Variants in SRRM2 observed in about 807,000 individuals in gnomAD.
SRRM2 encodes serine/arginine repetitive matrix protein 2.
A neutral mutation model predicts 213.8 loss-of-function variants in SRRM2; 30 were observed. The ratio of observed to expected loss-of-function variants is 0.14; its 90% CI spans 0.10 to 0.19. The LOEUF is 0.19. Ranked by LOEUF, SRRM2 falls within the 10% of genes least tolerant of loss-of-function variation. The pLI, the probability that SRRM2 is intolerant of heterozygous loss-of-function variation, is 1.00. For missense variants in SRRM2, 4,904 were observed against 3,647.0 expected (o/e 1.34, Z -8.88); for synonymous variants, 2,025 against 1,377.7 (o/e 1.47, Z -10.40).
chr16:2,768,625 C>G, intron 11 of SRRM2: 1 of 633,094 alleles, frequency 1.6e-6, no homozygotes, highest in Non-Finnish European at 2.9e-6. Flanking sequence ...TCCCTGCCTC[C>G]AGGCAGGACG....
At chr16:2,758,630 C>T (rs1422697676) in intron 5 of SRRM2, 83 bp downstream of exon 5, 27 of 1,367,598 alleles carry the variant, frequency 2.0e-5, no homozygotes, top group Non-Finnish European at 2.5e-5. Context: ...ACAGTTCTGG[C>T]TTCCACAAAG....
chr16:2,753,174 C>G (rs761861206), intron 1 of SRRM2, among the ~76,000 whole-genome samples: 11 of 151,488 alleles, frequency 7.3e-5, no homozygotes, highest in Non-Finnish European at 1.5e-4. Flanking sequence ...GGTGGCCTTC[C>G]TGCAGCTGCC....
rs2150766790 is a variant in SRRM2 at position 2,752,751 on chromosome 16, G to C, written c.-127G>C. On this transcript the variant is annotated 5_prime_UTR_variant, in exon 1 of 15. Transcript: ENST00000301740. ...TCGGCTGAGGCGGGCGGACCGGCGA[G>C]GCGAGGCGGCGGCCCCAGGCCCGAG... 1 of 357,192 alleles carries C rather than the reference G, an allele frequency of 2.8e-6. No homozygotes were observed. The highest frequency in any genetic ancestry group is 5.6e-6 in the Non-Finnish European group (1 of 179,418). The allele number at this position is 357,192 out of a possible 1,614,324, so 22.1% of individuals were successfully genotyped here.
In SRRM2 at chr16:2,752,689, C is replaced by A. The variant is rs1423955627; in HGVS notation, c.-189C>A. ...GGGGTGCGAGTGGCGCAGTTGGAGC[C>A]CGTTGCGGCCCCTGAGGAAGCGAGG... On this transcript the variant is annotated 5_prime_UTR_variant, in exon 1 of 15. Transcript: ENST00000301740. The A allele has an allele frequency of 6.3e-6, 2 of 318,112 alleles. No homozygotes were observed. Among genetic ancestry groups the A allele is most frequent in the South Asian group, 2.1e-5 (1 of 46,944 alleles). 19.7% of individuals were successfully genotyped at this position (318,112 alleles called of 1,614,324 possible). A position where few individuals can be genotyped will look rare whatever the true frequency, so the allele number is the denominator to read the frequency against.
intron 10 of SRRM2, chr16:2,760,787 C>T (rs994049058): frequency 2.1e-5 from 7 of 331,014 alleles, no homozygotes; most frequent in South Asian, 7.7e-5. Flanking sequence ...CTGTGTACTC[C>T]GTATGATGCC....
At position 2,769,306 on chromosome 16, in the gene SRRM2, T is replaced by G. The variant is rs778901559; in HGVS notation, c.8021+22T>G. On this transcript the variant is annotated intron_variant, in intron 12 of 14. Transcript: ENST00000301740. ...GGAGGTGAGTGCTGTCTTGCCTGAG[T>G]TGAAAGGTGGGTGGGGGAGTGACTT... The G allele has an allele frequency of 4.6e-6, 7 of 1,535,608 alleles. No individual in the cohort carries two copies. In the Admixed American group the frequency reaches 1.4e-4, roughly 32 times the overall value.
chr16:2,770,901 T>C lies in SRRM2; in HGVS notation c.*34T>C. ...TGGGGGATTCCACCACACCCAATGC[T>C]CTGGAGCCACAAGGAGTGTCCCTTC... On this transcript the variant is annotated 3_prime_UTR_variant, in exon 15 of 15. Transcript: ENST00000301740. 1 of 1,613,286 alleles carries C rather than the reference T, an allele frequency of 6.2e-7. No homozygotes were observed. Among genetic ancestry groups the C allele is most frequent in the Non-Finnish European group, 8.5e-7 (1 of 1,179,828 alleles).
At chr16:2,754,171 A>G (rs890027074) in intron 1 of SRRM2, among the ~76,000 whole-genome samples, 6 of 152,150 alleles carry the variant, frequency 3.9e-5, no homozygotes, top group African/African-American at 1.4e-4. Flanking sequence ...CTGTGTCTTA[A>G]CACACCCCTT....
chr16:2,760,805 T>C (rs1596272374), intron 10 of SRRM2: 1 of 270,216 alleles, frequency 3.7e-6, no homozygotes, highest in South Asian at 5.4e-5. Flanking sequence ...GCCTCTAGTT[T>C]CTTCTCTTTT....
In SRRM2 at chr16:2,767,233, C is replaced by T; in HGVS notation, c.6705C>T (p.Ala2235=). Reference sequence around the variant, plus strand: ...ACCTTGCCAGCAGGATTCCTGCAGCCTCTGCGGCAGCCATGAACCTAGCCA... The same window carrying T: ...ACCTTGCCAGCAGGATTCCTGCAGCTTCTGCGGCAGCCATGAACCTAGCCA... ...AANLASRIPA[A]SAAAMNLASA... Residue 2235 remains alanine, a synonymous_variant, in exon 11 of 15, where the codon GCC becomes GCT. Coordinates refer to ENST00000301740, the MANE Select transcript of SRRM2 (RefSeq NM_016333.4). 13 of 1,614,182 alleles carry T rather than the reference C, an allele frequency of 8.1e-6. No individual in the cohort carries two copies. Among genetic ancestry groups the T allele is most frequent in the Non-Finnish European group, 1.1e-5 (13 of 1,180,048 alleles).
At chr16:2,769,953 C>A in intron 12 of SRRM2, 1 of 443,842 alleles carries the variant, frequency 2.3e-6, no homozygotes, top group South Asian at 1.8e-5. Flanking sequence ...CTGGTGAACT[C>A]CTCGTTCTGC....
Position 2,769,275 on chromosome 16 carries a change from G to C in SRRM2, c.8012G>C (p.Gly2671Ala). Residue 2671 changes from glycine to alanine, a missense_variant, in exon 12 of 15, where the codon GGC (glycine) becomes GCC (alanine). Coordinates refer to ENST00000301740, the MANE Select transcript of SRRM2 (RefSeq NM_016333.4). ...GCAAGCCCCAAGAAGCCACCCCCTG[G>C]CGAGCGGAGGTGAGTGCTGTCTTGC... ...KPASPKKPPP[G>A]ERRSRSPRKP... The C allele has an allele frequency of 6.4e-7, 1 of 1,559,358 alleles. No individual in the cohort carries two copies. Among genetic ancestry groups the C allele is most frequent in the Non-Finnish European group, 8.7e-7 (1 of 1,152,064 alleles).
In SRRM2 at chr16:2,763,631, C is replaced by T. The variant is rs372711925; in HGVS notation, c.3103C>T (p.Leu1035Phe). The T allele has an allele frequency of 1.2e-6, 2 of 1,614,052 alleles. No individual in the cohort carries two copies. The highest frequency in any genetic ancestry group is 1.3e-5 in the African/African-American group (1 of 74,932). The change falls in exon 11 of 15, where the codon CTC becomes TTC. Residue 1035 changes from leucine (L) to phenylalanine (F), a missense_variant. Leu to Phe is a conservative substitution (Grantham distance 22). Transcript: ENST00000301740. ...LVQSCPGSLS[L>F]CAGVKSSTPP... is the part of the protein sequence containing the mutation. Reference sequence around the variant, plus strand: ...TCAAAGTTGCCCTGGATCCCTCTCTCTCTGTGCAGGAGTAAAATCTAGCAC... The same window carrying T: ...TCAAAGTTGCCCTGGATCCCTCTCTTTCTGTGCAGGAGTAAAATCTAGCAC...
At position 2,765,244 on chromosome 16, in the gene SRRM2, A is replaced by C; in HGVS notation, c.4716A>C (p.Pro1572=). 6.2e-7 allele frequency: 1 copy of C among 1,613,936 alleles called. No individual in the cohort carries two copies. The highest frequency in any genetic ancestry group is 8.5e-7 in the Non-Finnish European group (1 of 1,179,920). The stretch of plus-strand genomic sequence containing the variant: ...ATTCTAAAGCCAAGACAAGAACCCC[A>C]CTTCGGCAGAGGAGTCGGTCTGGAT... The part of the protein sequence containing the change: ...SPDSKAKTRT[P]LRQRSRSGSS... Residue 1572 remains proline, a synonymous_variant, in exon 11 of 15, where the codon CCA becomes CCC. Coordinates refer to ENST00000301740, the MANE Select transcript of SRRM2 (RefSeq NM_016333.4).
In SRRM2 at chr16:2,756,386, C is replaced by T; in HGVS notation, c.22C>T (p.Pro8Ser). The T allele has an allele frequency of 1.2e-6, 2 of 1,606,964 alleles. No individual in the cohort carries two copies. Among genetic ancestry groups the T allele is most frequent in the Non-Finnish European group, 8.5e-7 (1 of 1,177,806 alleles). The change falls in exon 2 of 15, where the codon CCG becomes TCG. Residue 8 changes from proline to serine, a missense_variant. Coordinates refer to ENST00000301740, the MANE Select transcript of SRRM2 (RefSeq NM_016333.4). MYNGIGL[P>S]TPRGSGTNGY... ...GGCCATGTACAACGGGATCGGGCTG[C>T]CGACGCCCCGGGGCAGCGGCACCAA... is the stretch of plus-strand genomic sequence containing the variant.
Position 2,766,770 on chromosome 16 carries a change from C to T in SRRM2, c.6242C>T (p.Ser2081Phe). ...CCAGCCATCCGCAGGCGTTCTGCATCTGGAAGTAGTTCTGATCGTTCACGA... is the reference window on the plus strand; with the variant it reads ...CCAGCCATCCGCAGGCGTTCTGCATTTGGAAGTAGTTCTGATCGTTCACGA... ...SPPAIRRRSA[S>F]GSSSDRSRSA... Residue 2081 changes from serine to phenylalanine, a missense_variant, in exon 11 of 15, where the codon TCT becomes TTT. Ser to Phe is a radical substitution (Grantham distance 155, BLOSUM62 -2). Transcript: ENST00000301740. This position sits in a 1 kb window ranked among gnomAD's most constrained non-coding sequence, Gnocchi z 7.0. The T allele has an allele frequency of 6.2e-7, 1 of 1,614,212 alleles. No individual in the cohort carries two copies. Among genetic ancestry groups the T allele is most frequent in the African/African-American group, 1.3e-5 (1 of 75,060 alleles).
intron 1 of SRRM2, among the ~76,000 whole-genome samples, chr16:2,753,844 G>A (rs1042394540): frequency 4.6e-5 from 7 of 152,134 alleles, no homozygotes; most frequent in African/African-American, 1.7e-4. Flanking sequence ...GGAGCGCCCC[G>A]GTGCTGAGCT....
At position 2,763,476 on chromosome 16, in the gene SRRM2, C is replaced by T; in HGVS notation, c.2948C>T (p.Thr983Ile). ...CCAGATACCAAAGTGAAACCTGAAA[C>T]ACCGCCAAGACAAAGTCACTCAGGG... ...SSPDTKVKPE[T>I]PPRQSHSGSI... Residue 983 changes from threonine to isoleucine, a missense_variant, in exon 11 of 15, where the codon ACA becomes ATA. By Grantham distance (89) the Thr-to-Ile change is moderately conservative. Coordinates refer to ENST00000301740, the MANE Select transcript of SRRM2 (RefSeq NM_016333.4). 1.9e-6 allele frequency: 3 copies of T among 1,614,194 alleles called. No individual in the cohort carries two copies. Among genetic ancestry groups the T allele is most frequent in the Middle Eastern group, 1.6e-4 (1 of 6,062 alleles).
At chr16:2,760,694 A>G (rs2068312565) in intron 10 of SRRM2, 195 bp downstream of exon 10, 2 of 608,006 alleles carry the variant, frequency 3.3e-6, no homozygotes, top group South Asian at 2.1e-5. Context: ...TGAACCCTTT[A>G]GAATCAAATC....
Sources: allele counts gnomAD v4.1 joint callset (sites outside exome capture counted in the v4.1 genomes callset), GRCh38; gene constraint gnomAD v4.1.1; non-coding constraint Gnocchi (gnomAD v3.1); transcripts MANE v1.5; gene names NCBI Gene and HGNC (gene_info 2026-07-23, HGNC 2026-07-21).